Variants in APAF1 observed in about 807,000 individuals in gnomAD.
APAF1 encodes apoptotic peptidase activating factor 1.
Under a neutral mutation model 152.4 loss-of-function variants are expected in APAF1, and 91 were observed. The ratio of observed to expected loss-of-function variants is 0.60; its 90% CI spans 0.50 to 0.71. The LOEUF is 0.71. APAF1 is among the 30% of genes least tolerant of loss of function. The pLI is 0.00. For synonymous variants in APAF1, 484 were observed against 494.1 expected (o/e 0.98, Z 0.27); for missense variants, 1,283 against 1,472.0 (o/e 0.87, Z 2.10).
rs2097691060 is a variant in APAF1, at chr12:98,680,421, C to T, written c.2046+19C>T. On this transcript the variant is annotated intron_variant, in intron 14 of 26. Transcript: ENST00000551964. ...AGTGAAGGTAGGAAAATCTTTTCCT[C>T]TTGAGTTGTAATCACAACAGAATTC... 6.2e-7 allele frequency: 1 copy of T among 1,610,434 alleles called. No homozygotes were observed. The highest frequency in any genetic ancestry group is 1.1e-5 in the South Asian group (1 of 90,956).
intron 13 of APAF1, among the ~76,000 whole-genome samples, chr12:98,679,486 G>T (rs909121714): frequency 6.6e-6 from 1 of 152,246 alleles, no homozygotes; most frequent in African/African-American, 2.4e-5. Context: ...CTTCCTGGTT[G>T]TAGGACAAGA....
intron 19 of APAF1, among the ~76,000 whole-genome samples, chr12:98,707,066 T>C (rs1045349247): frequency 6.6e-6 from 1 of 152,226 alleles, no homozygotes; most frequent in Non-Finnish European, 1.5e-5. Context: ...GTCTTCTTTC[T>C]TGCTTTTCTG....
chr12:98,719,062 T>C (rs1202325587), intron 22 of APAF1, among the ~76,000 whole-genome samples: 1 of 152,196 alleles, frequency 6.6e-6, no homozygotes, highest in Non-Finnish European at 1.5e-5. Flanking sequence ...TTCCCTGTGG[T>C]TTCTCCTCAC....
intron 21 of APAF1, among the ~76,000 whole-genome samples, chr12:98,714,431 C>G (rs1242975088): frequency 6.6e-6 from 1 of 152,158 alleles, no homozygotes; most frequent in African/African-American, 2.4e-5. Flanking sequence ...GCCAGATGCT[C>G]TCATTGAATT....
chr12:98,663,786 G>A (rs1474152480), intron 7 of APAF1, among the ~76,000 whole-genome samples: 1 of 149,238 alleles, frequency 6.7e-6, no homozygotes, highest in African/African-American at 2.5e-5. Flanking sequence ...AGCCTCTCGA[G>A]TATCTGGGAC....
In APAF1 at chr12:98,686,394, T is replaced by C. The variant is rs1244104097; in HGVS notation, c.2179-354T>C. On this transcript the variant is annotated intron_variant, in intron 15 of 26. Transcript: ENST00000551964. ...TGACATTTAAAAAATATGGGGGTAA[T>C]TTATATTACATATTACTTATTGTGG... is the stretch of plus-strand genomic sequence containing the variant. 2.0e-5 allele frequency among the ~76,000 whole-genome samples: 3 copies of C among 152,200 alleles called. No homozygotes were observed. The East Asian group carries it at 5.8e-4, about 29-fold the overall frequency.
At chr12:98,670,027 C>T (rs192728631) in intron 10 of APAF1, among the ~76,000 whole-genome samples, 25 of 152,120 alleles carry the variant, frequency 1.6e-4, no homozygotes, top group African/African-American at 3.6e-4. Flanking sequence ...TCACTGCAAC[C>T]GCCACTTCCT....
At chr12:98,718,170 A>C (rs529631318) in intron 22 of APAF1, among the ~76,000 whole-genome samples, 1 of 152,056 alleles carries the variant, frequency 6.6e-6, no homozygotes, top group Non-Finnish European at 1.5e-5. Flanking sequence ...CTGTCTGTCT[A>C]CTTTCTTCCT....
chr12:98,647,064 C>T (rs2097641841), intron 1 of APAF1, among the ~76,000 whole-genome samples: 1 of 151,972 alleles, frequency 6.6e-6, no homozygotes, highest in South Asian at 2.1e-4. Flanking sequence ...TTTATACAAT[C>T]TTAATTAAAA....
intron 12 of APAF1, among the ~76,000 whole-genome samples, chr12:98,676,080 C>T (rs2097686143): frequency 6.6e-6 from 1 of 152,156 alleles, no homozygotes. Flanking sequence ...CCCTTGATTT[C>T]TAAAATAAGC....
intron 22 of APAF1, among the ~76,000 whole-genome samples, chr12:98,718,927 C>T (rs1054845657): frequency 1.1e-4 from 16 of 152,130 alleles, no homozygotes; most frequent in African/African-American, 2.7e-4. Flanking sequence ...GAGCAAGTCC[C>T]CATCTCAAAT....
intron 10 of APAF1, among the ~76,000 whole-genome samples, chr12:98,669,608 A>G (rs917266507): frequency 1.3e-5 from 2 of 152,278 alleles, no homozygotes; most frequent in Non-Finnish European, 2.9e-5. Context: ...TTAAAGCTGC[A>G]TATTATTTCA....
intron 21 of APAF1, among the ~76,000 whole-genome samples, chr12:98,714,072 T>G (rs1309718788): frequency 6.6e-6 from 1 of 152,244 alleles, no homozygotes; most frequent in Non-Finnish European, 1.5e-5. Flanking sequence ...CAGGTGAACC[T>G]TAGGCTTCCA....
At chr12:98,649,367 T>C in intron 3 of APAF1, 120 bp from the exon 4 acceptor site, 1 of 1,364,252 alleles carries the variant, frequency 7.3e-7, no homozygotes, top group Non-Finnish European at 1.0e-6. Context: ...CCACATTTTC[T>C]TAACTTCTCT....
At chr12:98,692,167 C>T (rs911185197) in intron 16 of APAF1, among the ~76,000 whole-genome samples, 5 of 152,146 alleles carry the variant, frequency 3.3e-5, no homozygotes, top group African/African-American at 1.2e-4. Context: ...ACTGCAAGCT[C>T]CGCCTCCTGG....
At position 98,722,673 on chromosome 12, in the gene APAF1, C is replaced by T. The variant is rs115702150; in HGVS notation, c.3085-520C>T. Among the ~76,000 whole-genome samples the T allele has an allele frequency of 3.4e-3, 511 of 152,266 alleles. 3 individuals carry two copies. The highest frequency in any genetic ancestry group is 0.012 in the African/African-American group (492 of 41,548). ...CCACATGAAAAACAATGCCTTCTCA[C>T]TTCCGTCATTTTGAGGATTGCGATG... On this transcript the variant is annotated intron_variant, in intron 22 of 26. Coordinates refer to ENST00000551964, the MANE Select transcript of APAF1 (RefSeq NM_181861.2).
chr12:98,707,048 T>C (rs2097722097), intron 19 of APAF1, among the ~76,000 whole-genome samples: 1 of 152,240 alleles, frequency 6.6e-6, no homozygotes, highest in Admixed American at 6.5e-5. Context: ...TATTAGTCTC[T>C]GCCACAAGTC....
chr12:98,683,094 C>T (rs762810726), intron 14 of APAF1, 49 bp from the exon 15 acceptor site: 4 of 1,486,012 alleles, frequency 2.7e-6, no homozygotes, highest in Non-Finnish European at 2.8e-6. Context: ...CCTCTGTTCT[C>T]CCTTTGAAAA....
In APAF1 at chr12:98,648,742, C is replaced by T; in HGVS notation, c.255C>T (p.Ala85=). 1 of 1,613,964 alleles carries T rather than the reference C, an allele frequency of 6.2e-7. No individual in the cohort carries two copies. The change falls in exon 3 of 27, where the codon GCC becomes GCT. Residue 85 remains alanine, a synonymous_variant. Coordinates refer to ENST00000551964, the MANE Select transcript of APAF1 (RefSeq NM_181861.2). ...ATGAAGGATATAAAGATCTTGCTGC[C>T]CTTCTCCATGATGGCATTCCTGTTG... ...LLHEGYKDLA[A]LLHDGIPVVS... is the part of the protein sequence containing the mutation.
Sources: allele counts gnomAD v4.1 joint callset (sites outside exome capture counted in the v4.1 genomes callset), GRCh38; gene constraint gnomAD v4.1.1; transcripts MANE v1.5; gene names NCBI Gene and HGNC (gene_info 2026-07-23, HGNC 2026-07-21).